MYOM1: variants seen among roughly 807,000 people sequenced by gnomAD.
MYOM1 encodes myomesin-1.
A neutral mutation model predicts 205.3 loss-of-function variants in MYOM1; 164 were observed. The observed-to-expected ratio is 0.80, with a 90% CI of 0.70 to 0.91. The LOEUF (loss-of-function observed/expected upper bound fraction) is 0.91. Ranked by LOEUF, MYOM1 falls within the 40% of genes least tolerant of loss-of-function variation. The probability of loss-of-function intolerance (pLI) is 0.00; values close to 1 mark genes in which losing one functional copy is unlikely to be tolerated. For synonymous variants in MYOM1, 772 were observed against 789.4 expected, an observed-to-expected ratio of 0.98 and a Z score of 0.37; for missense variants, 2,011 against 2,127.3, an observed-to-expected ratio of 0.95 and a Z score of 1.08.
intron 34 of MYOM1, 107 bp from the exon 35 acceptor site, chr18:3,075,868 C>T (rs192443817): frequency 5.2e-6 from 5 of 969,372 alleles, no homozygotes; most frequent in Middle Eastern, 3.0e-4. Flanking sequence ...CCAGACATGA[C>T]TAAACCGACT....
intron 2 of MYOM1, 109 bp from the exon 3 acceptor site, chr18:3,194,067 C>T (rs955460059): frequency 2.9e-5 from 32 of 1,092,018 alleles, no homozygotes; most frequent in Non-Finnish European, 3.8e-5. Context: ...AATCCTAGAT[C>T]TCTAATGTTA....
chr18:3,124,089 G>C (rs889979104), intron 19 of MYOM1, among the ~76,000 whole-genome samples: 1 of 151,072 alleles, frequency 6.6e-6, no homozygotes, highest in African/African-American at 2.5e-5. Context: ...CCCCCACCTC[G>C]GCCTCCCAAA....
chr18:3,113,276 ATATG>A (rs2079556128), intron 21 of MYOM1, among the ~76,000 whole-genome samples: 2 of 145,106 alleles, frequency 1.4e-5, no homozygotes, highest in Admixed American at 1.4e-4. Context: ...GTATGTATAT[ATATG>A]TGTGTATGTG....
At chr18:3,067,804 CTTA>C (rs2078915369) in intron 37 of MYOM1, among the ~76,000 whole-genome samples, 1 of 152,244 alleles carries the variant, frequency 6.6e-6, no homozygotes, top group South Asian at 2.1e-4. Flanking sequence ...TTCTGGAATG[CTTA>C]TTATCAAAAA....
In MYOM1 at chr18:3,116,491, C is replaced by T; in HGVS notation, c.3143G>A (p.Ser1048Asn). Reference sequence around the variant, plus strand: ...AACCAGTGAGTCTTTCCTGACTTCACTACACTTGAGACTGTGCGGTGGTCC... The same window carrying T: ...AACCAGTGAGTCTTTCCTGACTTCATTACACTTGAGACTGTGCGGTGGTCC... ...VPGPPHSLKCSEVRKDSLVLQ... is the reference protein window; with the variant it reads ...VPGPPHSLKCNEVRKDSLVLQ... The change falls in exon 21 of 38, where the codon AGT (serine) becomes AAT (asparagine). Residue 1048 changes from serine to asparagine, a missense_variant. Ser to Asn is a conservative substitution (Grantham distance 46). Transcript: ENST00000356443. 2 of 1,601,594 alleles carry T rather than the reference C, an allele frequency of 1.2e-6. No homozygotes were observed. Among genetic ancestry groups the T allele is most frequent in the Non-Finnish European group, 1.7e-6 (2 of 1,172,696 alleles).
At chr18:3,160,231 A>G (rs907977892) in intron 10 of MYOM1, among the ~76,000 whole-genome samples, 6 of 150,302 alleles carry the variant, frequency 4.0e-5, no homozygotes. Flanking sequence ...TCTGTCACCC[A>G]AGCTGGAGTG....
intron 5 of MYOM1, among the ~76,000 whole-genome samples, chr18:3,181,219 C>T (rs1347061627): frequency 2.6e-5 from 4 of 152,154 alleles, no homozygotes; most frequent in Admixed American, 6.5e-5. Flanking sequence ...AACCACCACG[C>T]CCGGCCAAAG....
chr18:3,244,707 A>G, the MYOM1 span, among the ~76,000 whole-genome samples: 3 of 151,622 alleles, frequency 2.0e-5, no homozygotes, highest in Non-Finnish European at 4.4e-5. Flanking sequence ...CCTGGCCAAC[A>G]TGGTGAAACC....
intron 20 of MYOM1, among the ~76,000 whole-genome samples, chr18:3,118,515 T>TA (rs397956845): frequency 6.6e-6 from 1 of 151,670 alleles, no homozygotes; most frequent in Non-Finnish European, 1.5e-5. Context: ...AAACATTTTT[T>TA]AAGAGATGAG....
intron 11 of MYOM1, among the ~76,000 whole-genome samples, chr18:3,154,099 C>G (rs140345837): frequency 2.7e-4 from 41 of 152,144 alleles, no homozygotes; most frequent in Admixed American, 1.0e-3. Context: ...AGAAATAAGA[C>G]TTTGGTAGTA....
chr18:3,215,761 A>G (rs1036616085), intron 1 of MYOM1, among the ~76,000 whole-genome samples: 4 of 152,082 alleles, frequency 2.6e-5, no homozygotes, highest in Non-Finnish European at 5.9e-5. Flanking sequence ...AATTGTATCT[A>G]GGAGGTTTTC....
chr18:3,177,445 C>CATT (rs138933689), intron 5 of MYOM1, among the ~76,000 whole-genome samples: 13,227 of 139,020 alleles, frequency 0.095, 693 homozygotes, highest in African/African-American at 0.11. Flanking sequence ...GAAGCAATAT[C>CATT]ATTATTATTA....
chr18:3,089,319 G>A (rs998433770), intron 28 of MYOM1, 78 bp from the exon 29 acceptor site: 2 of 1,157,048 alleles, frequency 1.7e-6, no homozygotes, highest in African/African-American at 1.5e-5. Flanking sequence ...AAGTCCTAAG[G>A]TGATTTACAT....
In MYOM1 at chr18:3,135,752, C is replaced by T; in HGVS notation, c.2026-22G>A. On this transcript the variant is annotated intron_variant, in intron 14 of 37. Coordinates refer to ENST00000356443, the MANE Select transcript of MYOM1 (RefSeq NM_003803.4). This position sits in a 1 kb window ranked among gnomAD's most constrained non-coding sequence, Gnocchi z 4.1. ...CACACTGCAGCAAGAACAGGGAAAC[C>T]CATTGAAAGCACAGCAAACACAAGC... The T allele has an allele frequency of 6.2e-7, 1 of 1,612,430 alleles. No individual in the cohort carries two copies. Among genetic ancestry groups the T allele is most frequent in the Non-Finnish European group, 8.5e-7 (1 of 1,179,016 alleles).
At chr18:3,214,297 TA>T (rs1430118608) in intron 2 of MYOM1, among the ~76,000 whole-genome samples, 1 of 152,198 alleles carries the variant, frequency 6.6e-6, no homozygotes, top group Non-Finnish European at 1.5e-5. Context: ...CCGCTGTGAA[TA>T]CTGAAATGAT....
In MYOM1 at chr18:3,147,114, A is replaced by T. The variant is rs1034362573; in HGVS notation, c.1900+2031T>A. 1.7e-3 allele frequency among the ~76,000 whole-genome samples: 241 copies of T among 140,320 alleles called. 2 individuals carry two copies. The highest frequency in any genetic ancestry group is 5.9e-3 in the African/African-American group (231 of 39,374). 92.1% of individuals were successfully genotyped at this position (140,320 alleles called of 152,430 possible). A position where few individuals can be genotyped will look rare whatever the true frequency, so the allele number is the denominator to read the frequency against. On this transcript the variant is annotated intron_variant, in intron 13 of 37. Transcript: ENST00000356443. ...ACATTATAGATAAATATATATATTT[A>T]TATATAAATATTATATATTATAGAT...
At chr18:3,136,109 A>G (rs1437260740) in intron 14 of MYOM1, among the ~76,000 whole-genome samples, 6 of 120,430 alleles carry the variant, frequency 5.0e-5, no homozygotes, top group South Asian at 2.7e-4. Context: ...AACCTCTTTC[A>G]CTTGGCTCTC....
At chr18:3,143,382 G>A (rs8084114) in intron 13 of MYOM1, among the ~76,000 whole-genome samples, 1,933 of 152,194 alleles carry the variant, frequency 0.013, 15 homozygotes, top group Non-Finnish European at 0.016. Flanking sequence ...TGCTTCAGGT[G>A]AAAAGAAAAT....
chr18:3,206,034 A>G lies in MYOM1; in HGVS notation c.290+8900T>C, dbSNP rs889212482. ...AAAGGATGGAAGAACACAAAGAAGG[A>G]AGGCCAGTAACCACAAAGGCCAGTG... On this transcript the variant is annotated intron_variant, in intron 2 of 37. Transcript: ENST00000356443. Among the ~76,000 whole-genome samples the G allele has an allele frequency of 8.5e-5, 13 of 152,308 alleles. No individual in the cohort carries two copies. In the East Asian group the frequency reaches 2.5e-3, roughly 29 times the overall value.
Sources: allele counts gnomAD v4.1 joint callset (sites outside exome capture counted in the v4.1 genomes callset), GRCh38; gene constraint gnomAD v4.1.1; non-coding constraint Gnocchi (gnomAD v3.1); transcripts MANE v1.5; gene names NCBI Gene and HGNC (gene_info 2026-07-23, HGNC 2026-07-21).